The following TTC28 variants were observed in gnomAD, a reference collection of about 807,000 sequenced individuals.
TTC28 encodes tetratricopeptide repeat protein 28.
A neutral mutation model predicts 198.0 loss-of-function variants in TTC28; 61 were observed. The ratio of observed to expected loss-of-function variants is 0.31; its 90% CI spans 0.25 to 0.38. The LOEUF (loss-of-function observed/expected upper bound fraction) is 0.38. Among genes scored for constraint, TTC28 ranks in the 10% least tolerant of loss-of-function variants. The pLI is 1.00. For missense variants in TTC28, 2,678 were observed against 3,164.0 expected, an observed-to-expected ratio of 0.85 and a Z score of 3.69; for synonymous variants, 1,171 against 1,297.8, an observed-to-expected ratio of 0.90 and a Z score of 2.10.
chr22:27,989,621 T>A (rs1030308996), intron 21 of TTC28, among the ~76,000 whole-genome samples: 20 of 152,094 alleles, frequency 1.3e-4, no homozygotes, highest in Non-Finnish European at 2.6e-4. Flanking sequence ...TAATTTTTTT[T>A]AATTTTTGTA....
chr22:28,456,096 T>C (rs1323356869), intron 2 of TTC28, among the ~76,000 whole-genome samples: 1 of 150,428 alleles, frequency 6.6e-6, no homozygotes, highest in African/African-American at 2.5e-5. Flanking sequence ...GAGGTGGAGG[T>C]TGCAGTGAGC....
chr22:27,985,028 C>G (rs898240528), intron 22 of TTC28, among the ~76,000 whole-genome samples: 11 of 152,218 alleles, frequency 7.2e-5, no homozygotes, highest in African/African-American at 2.7e-4. Context: ...GTCCCTTGCC[C>G]TGCTTGAGCA....
At position 27,999,093 on chromosome 22, in the gene TTC28, G is replaced by A. The variant is rs1478261513; in HGVS notation, c.4566C>T (p.Pro1522=). The change falls in exon 16 of 23, where the codon CCC becomes CCT. Residue 1522 remains proline (P), a synonymous_variant. Transcript: ENST00000397906. The part of the protein sequence containing the change: ...YMVSELLGCQ[P]LVGSVATKER... ...CCTTGGTGGCCACACTGCCCACTAGGGGCTGGCAGCCCAGCAGCTCGGACA... is the reference window on the plus strand; with the variant it reads ...CCTTGGTGGCCACACTGCCCACTAGAGGCTGGCAGCCCAGCAGCTCGGACA... 1.3e-6 allele frequency: 2 copies of A among 1,550,576 alleles called. No individual in the cohort carries two copies. The highest frequency in any genetic ancestry group is 8.7e-7 in the Non-Finnish European group (1 of 1,147,006).
At chr22:28,276,386 T>C (rs979679061) in intron 5 of TTC28, among the ~76,000 whole-genome samples, 1 of 152,064 alleles carries the variant, frequency 6.6e-6, no homozygotes, top group Non-Finnish European at 1.5e-5. Flanking sequence ...ACTAAAGTAA[T>C]AGGATAAAAT....
At chr22:28,303,128 G>T (rs528002298) in intron 3 of TTC28, among the ~76,000 whole-genome samples, 1 of 152,194 alleles carries the variant, frequency 6.6e-6, no homozygotes, top group African/African-American at 2.4e-5. Context: ...ATACACAAAA[G>T]GTCCTCAGCA....
intron 2 of TTC28, among the ~76,000 whole-genome samples, chr22:28,345,434 C>CT (rs1569273373): frequency 6.6e-6 from 1 of 152,126 alleles, no homozygotes; most frequent in Non-Finnish European, 1.5e-5. Flanking sequence ...CCAAGCCCTC[C>CT]TTTTTTCCCA....
chr22:28,457,132 T>C (rs1224857467), intron 2 of TTC28, among the ~76,000 whole-genome samples: 1 of 152,248 alleles, frequency 6.6e-6, no homozygotes, highest in African/African-American at 2.4e-5. Context: ...CAGCACTCTA[T>C]TCAGAACACC....
chr22:28,181,060 G>T (rs917520093), intron 5 of TTC28, among the ~76,000 whole-genome samples: 3 of 152,170 alleles, frequency 2.0e-5, no homozygotes, highest in African/African-American at 7.2e-5. Context: ...TCTAAGCTTA[G>T]AGAGCTGTTA....
At position 28,308,548 on chromosome 22, in the gene TTC28, G is replaced by C. The variant is rs140027979; in HGVS notation, c.382-1905C>G. On this transcript the variant is annotated intron_variant, in intron 2 of 22. Coordinates refer to ENST00000397906, the MANE Select transcript of TTC28 (RefSeq NM_001145418.2). The stretch of plus-strand genomic sequence containing the variant: ...ACATTACTTACTTGAGAGGGCAACT[G>C]ATTTTCCTGTCTGCCAAATAAAAGC... 7.2e-5 allele frequency among the ~76,000 whole-genome samples: 11 copies of C among 152,200 alleles called. 1 individual carries two copies. The South Asian group carries it at 1.5e-3, about 20-fold the overall frequency.
chr22:28,029,950 G>A (rs1039670420), intron 13 of TTC28, among the ~76,000 whole-genome samples: 2 of 152,240 alleles, frequency 1.3e-5, no homozygotes, highest in African/African-American at 4.8e-5. Flanking sequence ...GAGGCTATGT[G>A]AAGAAGCAGC....
At chr22:28,024,490 C>T (rs778216863) in intron 13 of TTC28, among the ~76,000 whole-genome samples, 5 of 152,160 alleles carry the variant, frequency 3.3e-5, no homozygotes, top group South Asian at 2.1e-4. Flanking sequence ...CACACTTCCA[C>T]CCAACCCCAC....
intron 2 of TTC28, among the ~76,000 whole-genome samples, chr22:28,589,155 C>T (rs2050377966): frequency 6.6e-6 from 1 of 152,214 alleles, no homozygotes; most frequent in Non-Finnish European, 1.5e-5. Flanking sequence ...GATAGAACTA[C>T]CAGTCCCCTA....
At chr22:28,589,863 C>T (rs2050392084) in intron 2 of TTC28, among the ~76,000 whole-genome samples, 1 of 151,528 alleles carries the variant, frequency 6.6e-6, no homozygotes, top group Admixed American at 6.6e-5. Flanking sequence ...GATGGTGAAA[C>T]CCCGTCTCTA....
chr22:28,461,517 G>T (rs1432307194), intron 2 of TTC28, among the ~76,000 whole-genome samples: 1 of 151,842 alleles, frequency 6.6e-6, no homozygotes, highest in Non-Finnish European at 1.5e-5. Flanking sequence ...GCTCACTGTA[G>T]CATCTGCCTC....
intron 12 of TTC28, among the ~76,000 whole-genome samples, chr22:28,032,175 T>TATATATAAA (rs1939119441): frequency 1.3e-5 from 1 of 79,092 alleles, no homozygotes; most frequent in African/African-American, 5.9e-5. Flanking sequence ...TGTGTATATA[T>TATATATAAA]ATATATATAT....
At chr22:28,507,699 T>C (rs1415277703) in intron 2 of TTC28, among the ~76,000 whole-genome samples, 2 of 152,196 alleles carry the variant, frequency 1.3e-5, no homozygotes, top group Non-Finnish European at 2.9e-5. Flanking sequence ...ATCAGACTAA[T>C]AGCAGACCTG....
At chr22:28,408,273 G>C (rs1212984641) in intron 2 of TTC28, among the ~76,000 whole-genome samples, 1 of 152,170 alleles carries the variant, frequency 6.6e-6, no homozygotes, top group Non-Finnish European at 1.5e-5. Flanking sequence ...AGAACACGGA[G>C]ATTGAACCAT....
At chr22:28,145,475 G>A (rs941905497) in intron 6 of TTC28, among the ~76,000 whole-genome samples, 37 of 152,048 alleles carry the variant, frequency 2.4e-4, no homozygotes, top group African/African-American at 6.0e-4. Context: ...ATCAATGAAC[G>A]GTGGGGGCAG....
At chr22:28,071,737 A>T (rs535901246) in intron 12 of TTC28, among the ~76,000 whole-genome samples, 19 of 149,200 alleles carry the variant, frequency 1.3e-4, no homozygotes, top group African/African-American at 4.5e-4. Flanking sequence ...GTATAATAAA[A>T]AAAAAAAAAG....
Sources: gnomAD v4.1 joint callset for allele counts (sites outside exome capture counted in the v4.1 genomes callset) on GRCh38, gnomAD v4.1.1 for gene constraint, MANE v1.5 for transcripts, NCBI Gene and HGNC (gene_info 2026-07-23, HGNC 2026-07-21) for gene names.